Variants in USH2A observed in about 807,000 individuals in gnomAD.
USH2A encodes usherin.
Under a neutral mutation model 538.9 loss-of-function variants are expected in USH2A, and 443 were observed. The observed-to-expected ratio is 0.82, with a 90% confidence interval of 0.76 to 0.89. USH2A has a LOEUF of 0.89. USH2A is among the 40% of genes least tolerant of loss of function. The probability of loss-of-function intolerance (pLI) is 0.00; values close to 1 mark genes in which losing one functional copy is unlikely to be tolerated. For missense variants in USH2A, 6,633 were observed against 6,324.8 expected, an observed-to-expected ratio of 1.05 and a Z score of -1.65; for synonymous variants, 2,413 against 2,273.5, an observed-to-expected ratio of 1.06 and a Z score of -1.75.
chr1:216,006,972 C>T (rs1217459032), intron 32 of USH2A, among the ~76,000 whole-genome samples: 2 of 152,182 alleles, frequency 1.3e-5, no homozygotes, highest in African/African-American at 2.4e-5. Context: ...ATAATTCCCA[C>T]ATGTTGTGGG....
chr1:216,188,389 T>C (rs1251730576), intron 20 of USH2A, among the ~76,000 whole-genome samples: 5 of 151,830 alleles, frequency 3.3e-5, no homozygotes, highest in Non-Finnish European at 5.9e-5. Flanking sequence ...AAAGGCAGAC[T>C]AGATCTCATC....
chr1:215,640,531 A>T, intron 68 of USH2A, 27 bp downstream of exon 68: 1 of 1,612,902 alleles, frequency 6.2e-7, no homozygotes, highest in Non-Finnish European at 8.5e-7. Context: ...CGCCTTCCAC[A>T]CTGAGAAACA....
rs1220547865 is a variant in USH2A at position 216,175,344 on chromosome 1, A to G, written c.4535T>C (p.Leu1512Pro). 1 of 1,613,852 alleles carries G rather than the reference A, an allele frequency of 6.2e-7. No homozygotes were observed. The highest frequency in any genetic ancestry group is 1.7e-5 in the Admixed American group (1 of 59,974). Residue 1512 changes from leucine (L) to proline (P), a missense_variant, in exon 21 of 72, where the codon CTG becomes CCG. Transcript: ENST00000307340. ...GATTCCTTTCATCATCGTGGTCATC[A>G]GAGCTGGTAGAGATGACTCTCTCCT... is the stretch of plus-strand genomic sequence containing the variant. ...LERRESSLPA[L>P]MTTMMKGIRF...
rs546067435 is a variant in USH2A, at chr1:215,628,049, A to G, written c.15519+765T>C. Among the ~76,000 whole-genome samples, 7 of 152,316 alleles carry G rather than the reference A, an allele frequency of 4.6e-5. No individual in the cohort carries two copies. In the East Asian group the frequency reaches 1.2e-3, roughly 25 times the overall value. On this transcript the variant is annotated intron_variant, in intron 71 of 71. Transcript: ENST00000307340. ...GAAATTATGAAAGATGAAGCTTATAAATAGTAACACCCTCATTTGTCATCA... is the reference window on the plus strand; with the variant it reads ...GAAATTATGAAAGATGAAGCTTATAGATAGTAACACCCTCATTTGTCATCA...
At chr1:215,763,099 C>T (rs561438618) in intron 56 of USH2A, among the ~76,000 whole-genome samples, 1 of 152,242 alleles carries the variant, frequency 6.6e-6, no homozygotes, top group African/African-American at 2.4e-5. Context: ...GCACTGAATT[C>T]TGGACAATTT....
At chr1:215,872,599 C>G (rs1294595034) in intron 43 of USH2A, among the ~76,000 whole-genome samples, 1 of 152,016 alleles carries the variant, frequency 6.6e-6, no homozygotes, top group Non-Finnish European at 1.5e-5. Flanking sequence ...GGAAAAAAAC[C>G]TCCTGTGACA....
At position 215,741,402 on chromosome 1, in the gene USH2A, C is replaced by T. The variant is rs1472714005; in HGVS notation, c.11684G>A (p.Gly3895Glu). Reference sequence around the variant, plus strand: ...GTAAATAAAGTAGTTGATGATGATTCCATTTGGTTTTTCAGGTGGCATCCA... The same window carrying T: ...GTAAATAAAGTAGTTGATGATGATTTCATTTGGTTTTTCAGGTGGCATCCA... Reference protein sequence around the residue: ...IKWMPPEKPNGIIINYFIYRR... With the variant: ...IKWMPPEKPNEIIINYFIYRR... Residue 3895 changes from glycine (G) to glutamate (E), a missense_variant, in exon 60 of 72, where the codon GGA (glycine) becomes GAA (glutamate). Gly to Glu is a moderately conservative substitution (Grantham distance 98). Coordinates refer to ENST00000307340, the MANE Select transcript of USH2A (RefSeq NM_206933.4). 6 of 1,613,734 alleles carry T rather than the reference C, an allele frequency of 3.7e-6. No homozygotes were observed. The highest frequency in any genetic ancestry group is 5.1e-6 in the Non-Finnish European group (6 of 1,179,898).
chr1:215,988,123 G>A (rs1384973257), intron 35 of USH2A, among the ~76,000 whole-genome samples: 2 of 151,872 alleles, frequency 1.3e-5, no homozygotes, highest in South Asian at 2.1e-4. Context: ...GTGCAACAGA[G>A]TTGTAGAACT....
chr1:216,392,664 T>A (rs930569348), intron 3 of USH2A, among the ~76,000 whole-genome samples: 6 of 152,012 alleles, frequency 3.9e-5, no homozygotes, highest in Admixed American at 3.3e-4. Context: ...GCTGTTTTTT[T>A]AAAAAAAAGT....
rs1377011363 is a variant in USH2A at position 215,799,090 on chromosome 1, C to A, written c.9775G>T (p.Val3259Phe). Residue 3259 changes from valine to phenylalanine, a missense_variant, in exon 50 of 72, where the codon GTT becomes TTT. Transcript: ENST00000307340. ...CAGGAATCACCAATGCCAACAGAAA[C>A]CCGATTGTGCTGTTCATCTGGACAG... ...VCCPDEQHNRVSVGIGDSCCG... is the reference protein window; with the variant it reads ...VCCPDEQHNRFSVGIGDSCCG... 2 of 1,613,990 alleles carry A rather than the reference C, an allele frequency of 1.2e-6. No homozygotes were observed. Among genetic ancestry groups the A allele is most frequent in the East Asian group, 4.5e-5 (2 of 44,836 alleles).
At chr1:215,943,663 A>T (rs1039202547) in intron 37 of USH2A, among the ~76,000 whole-genome samples, 5 of 152,154 alleles carry the variant, frequency 3.3e-5, no homozygotes, top group Admixed American at 6.5e-5. Context: ...ATTATTCAAG[A>T]TGCCTCTAAA....
intron 13 of USH2A, among the ~76,000 whole-genome samples, chr1:216,243,112 C>T (rs1191816039): frequency 1.3e-5 from 2 of 152,154 alleles, no homozygotes; most frequent in Non-Finnish European, 2.9e-5. Flanking sequence ...GGGTCAATAA[C>T]TCAGCAGGGC....
chr1:215,636,852 T>C (rs1443156565), intron 69 of USH2A, among the ~76,000 whole-genome samples: 4 of 152,088 alleles, frequency 2.6e-5, no homozygotes, highest in Non-Finnish European at 4.4e-5. Flanking sequence ...TGCCAGAGCA[T>C]TGCACAATCC....
At chr1:216,361,629 C>A (rs2038493034) in intron 4 of USH2A, among the ~76,000 whole-genome samples, 1 of 152,068 alleles carries the variant, frequency 6.6e-6, no homozygotes, top group African/African-American at 2.4e-5. Context: ...CAAATAAGCA[C>A]ATGAAAAGAT....
chr1:216,023,468 A>AAAAAAAAAAAAAAAAAAAAAAAAAAAT (rs1571897256), intron 32 of USH2A, among the ~76,000 whole-genome samples: 1 of 148,346 alleles, frequency 6.7e-6, no homozygotes, highest in Non-Finnish European at 1.5e-5. Context: ...ACAAAAAAAA[A>AAAAAAAAAAAAAAAAAAAAAAAAAAAT]AAAAAAAAAA....
intron 16 of USH2A, among the ~76,000 whole-genome samples, chr1:216,202,721 T>C (rs1471643665): frequency 2.0e-5 from 3 of 152,186 alleles, no homozygotes; most frequent in Non-Finnish European, 4.4e-5. Context: ...TTGCTGAATA[T>C]ACCTTATTTT....
chr1:216,228,663 G>A (rs1030033238), intron 14 of USH2A, among the ~76,000 whole-genome samples: 1 of 152,132 alleles, frequency 6.6e-6, no homozygotes, highest in African/African-American at 2.4e-5. Flanking sequence ...ATGTGGAATT[G>A]TAAGTCCCGT....
chr1:216,229,223 C>T (rs1199807403), intron 14 of USH2A, among the ~76,000 whole-genome samples: 1 of 151,748 alleles, frequency 6.6e-6, no homozygotes, highest in African/African-American at 2.4e-5. Context: ...TTTTAGAAAT[C>T]TACTCAGCTT....
chr1:215,748,743 A>G (rs1296008341), intron 58 of USH2A, among the ~76,000 whole-genome samples: 3 of 152,164 alleles, frequency 2.0e-5, no homozygotes, highest in African/African-American at 7.2e-5. Context: ...ACTAACCTCT[A>G]TGGATGTTGT....
Sources: allele counts gnomAD v4.1 joint callset (sites outside exome capture counted in the v4.1 genomes callset), GRCh38; gene constraint gnomAD v4.1.1; transcripts MANE v1.5; gene names NCBI Gene and HGNC (gene_info 2026-07-23, HGNC 2026-07-21).